The following SMARCA5 variants were observed in gnomAD, a reference collection of about 807,000 sequenced individuals.
SMARCA5 encodes SNF2 related chromatin remodeling ATPase 5, also known as SWI/SNF-related matrix-associated actin-dependent regulator of chromatin subfamily A member 5.
Under a neutral mutation model 140.4 loss-of-function variants are expected in SMARCA5, and 18 were observed. That is an observed-to-expected ratio of 0.13 (90% CI 0.09 to 0.19). The LOEUF (loss-of-function observed/expected upper bound fraction) is 0.19. SMARCA5 is among the 10% of genes least tolerant of loss of function. The pLI is 1.00. For synonymous variants in SMARCA5, 449 were observed against 419.6 expected, an observed-to-expected ratio of 1.07 and a Z score of -0.86; for missense variants, 606 against 1,276.8, an observed-to-expected ratio of 0.47 and a Z score of 8.01.
intron 8 of SMARCA5, 54 bp from the exon 9 acceptor site, chr4:143,530,404 G>A (rs1737161314): frequency 1.4e-5 from 16 of 1,104,342 alleles, no homozygotes; most frequent in Non-Finnish European, 2.2e-5. Flanking sequence ...GGTATTATAG[G>A]GTATTTGTTA....
chr4:143,525,821 T>G (rs1737056228), intron 5 of SMARCA5, among the ~76,000 whole-genome samples: 1 of 152,260 alleles, frequency 6.6e-6, no homozygotes, highest in Non-Finnish European at 1.5e-5. Context: ...CTTCCAGTTT[T>G]GTAAAACAAA....
intron 9 of SMARCA5, 147 bp from the exon 10 acceptor site, chr4:143,534,708 G>A (rs1031049251): frequency 3.5e-6 from 2 of 574,418 alleles, no homozygotes. Flanking sequence ...AGATATGACT[G>A]TATTTGCAGG....
chr4:143,521,319 TTC>T (rs1213492954), intron 2 of SMARCA5, 108 bp from the exon 3 acceptor site: 7 of 704,464 alleles, frequency 9.9e-6, no homozygotes, highest in Non-Finnish European at 1.7e-5. Flanking sequence ...TTATCTGTAG[TTC>T]TCTTTTTTTT....
Position 143,556,294 on chromosome 4 carries a change from A to G in SMARCA5, c.*3110A>G, listed in dbSNP as rs1352941714. 3 of 152,210 alleles carry G rather than the reference A, an allele frequency of 2.0e-5. No individual in the cohort carries two copies. The East Asian group carries it at 5.8e-4, about 29-fold the overall frequency. 9.4% of individuals were successfully genotyped at this position (152,210 alleles called of 1,614,324 possible). A position where few individuals can be genotyped will look rare whatever the true frequency, so the allele number is the denominator to read the frequency against. On this transcript the variant is annotated 3_prime_UTR_variant, in exon 24 of 24. Transcript: ENST00000283131. Reference sequence around the variant, plus strand: ...AATTATATAAATGATTATATAAATGATCTTTGGCTTAGTACCTTTCTTAAT... The same window carrying G: ...AATTATATAAATGATTATATAAATGGTCTTTGGCTTAGTACCTTTCTTAAT...
chr4:143,522,656 G>T (rs927651528), intron 3 of SMARCA5, among the ~76,000 whole-genome samples: 1 of 152,064 alleles, frequency 6.6e-6, no homozygotes. Flanking sequence ...GGACAATTTT[G>T]CCCTTCAGCT....
At chr4:143,514,255 T>A in intron 1 of SMARCA5, 154 bp downstream of exon 1, 8 of 689,488 alleles carry the variant, frequency 1.2e-5, no homozygotes, top group Non-Finnish European at 1.9e-5. Context: ...CTCTCACTCT[T>A]GCTCCCTTGT....
chr4:143,545,921 T>C lies in SMARCA5; in HGVS notation c.2398-4T>C. ...ATTTGATGGCATAGAAAAATATCTT[T>C]TAGGTACCTCGAAATCCTGAGCTGC... On this transcript the variant is annotated splice_polypyrimidine_tract_variant and splice_region_variant and intron_variant, in intron 18 of 23. Coordinates refer to ENST00000283131, the MANE Select transcript of SMARCA5 (RefSeq NM_003601.4). The C allele has an allele frequency of 1.3e-6, 2 of 1,597,466 alleles. No homozygotes were observed. The highest frequency in any genetic ancestry group is 1.7e-6 in the Non-Finnish European group (2 of 1,175,280).
chr4:143,521,698 G>A (rs1177194748), intron 3 of SMARCA5, 103 bp downstream of exon 3: 1 of 1,051,824 alleles, frequency 9.5e-7, no homozygotes, highest in African/African-American at 1.6e-5. Context: ...TTATTTTAGT[G>A]CCATTATTTA....
At chr4:143,549,259 G>A (rs192288487) in intron 22 of SMARCA5, among the ~76,000 whole-genome samples, 1 of 151,958 alleles carries the variant, frequency 6.6e-6, no homozygotes, top group East Asian at 1.9e-4. Flanking sequence ...AGTCTTGTGT[G>A]GTGTATTCTA....
At chr4:143,515,520 GT>G (rs569098072) in intron 1 of SMARCA5, among the ~76,000 whole-genome samples, 96 of 152,216 alleles carry the variant, frequency 6.3e-4, no homozygotes, top group Middle Eastern at 3.4e-3. Flanking sequence ...ATTGTTTATA[GT>G]TTTTCCTCAG....
intron 18 of SMARCA5, among the ~76,000 whole-genome samples, 157 bp downstream of exon 18, chr4:143,545,740 GTTTTTC>G (rs1051034750): frequency 2.0e-5 from 3 of 152,044 alleles, no homozygotes; most frequent in Non-Finnish European, 4.4e-5. Context: ...ACTTGGGTCT[GTTTTTC>G]TTTAACAAGA....
intron 23 of SMARCA5, among the ~76,000 whole-genome samples, chr4:143,551,096 G>A (rs960168771): frequency 6.7e-6 from 1 of 149,746 alleles, no homozygotes; most frequent in African/African-American, 2.5e-5. Context: ...TTGGATAAAA[G>A]CCATTTTATC....
chr4:143,546,256 C>T (rs975093911), intron 19 of SMARCA5, among the ~76,000 whole-genome samples: 8 of 152,110 alleles, frequency 5.3e-5, no homozygotes, highest in African/African-American at 1.7e-4. Flanking sequence ...TACTCTGGCT[C>T]GGTAGAGTGG....
Position 143,545,529 on chromosome 4 carries a change from A to G in SMARCA5, c.2343A>G (p.Leu781=). Residue 781 remains leucine, a synonymous_variant, in exon 18 of 24, where the codon TTA becomes TTG. Transcript: ENST00000283131. ...ATTTCCAGTTCTTTCCTCCACGTTT[A>G]TTTGAATTACTGGAAAAAGAAATTC... ...VQDFQFFPPR[L]FELLEKEILF... 6.2e-7 allele frequency: 1 copy of G among 1,613,234 alleles called. No individual in the cohort carries two copies. Among genetic ancestry groups the G allele is most frequent in the South Asian group, 1.1e-5 (1 of 91,034 alleles).
intron 1 of SMARCA5, among the ~76,000 whole-genome samples, chr4:143,515,531 G>C (rs757763679): frequency 6.6e-6 from 1 of 152,098 alleles, no homozygotes; most frequent in Non-Finnish European, 1.5e-5. Flanking sequence ...TTTTTCCTCA[G>C]CTTCTCAAAG....
intron 13 of SMARCA5, 44 bp downstream of exon 13, chr4:143,538,982 GT>G: frequency 1.3e-6 from 2 of 1,547,066 alleles, no homozygotes; most frequent in Non-Finnish European, 8.9e-7. Context: ...AGTAGATGGC[GT>G]TAGTTAGGAC....
intron 22 of SMARCA5, among the ~76,000 whole-genome samples, chr4:143,548,450 A>G (rs1737574636): frequency 6.6e-6 from 1 of 152,070 alleles, no homozygotes; most frequent in Non-Finnish European, 1.5e-5. Context: ...ATAAAGAAAA[A>G]TGGTCCTTGC....
intron 11 of SMARCA5, among the ~76,000 whole-genome samples, chr4:143,537,285 A>C (rs1260670470): frequency 2.6e-5 from 4 of 152,240 alleles, no homozygotes; most frequent in African/African-American, 9.6e-5. Context: ...AACGCCAGAC[A>C]CTATAGCCTT....
intron 23 of SMARCA5, among the ~76,000 whole-genome samples, chr4:143,551,356 T>G (rs1321400310): frequency 2.0e-5 from 3 of 152,150 alleles, no homozygotes; most frequent in Admixed American, 2.0e-4. Flanking sequence ...TCTTCCATTC[T>G]GTGGGATGTC....
Sources: gnomAD v4.1 joint callset for allele counts (sites outside exome capture counted in the v4.1 genomes callset) on GRCh38, gnomAD v4.1.1 for gene constraint, MANE v1.5 for transcripts, NCBI Gene and HGNC (gene_info 2026-07-23, HGNC 2026-07-21) for gene names.